The following CDH13 variants were observed in gnomAD, a reference collection of about 807,000 sequenced individuals.
CDH13 encodes cadherin-13.
Under a neutral mutation model 63.8 loss-of-function variants are expected in CDH13, and 24 were observed. That is an observed-to-expected ratio of 0.38 (90% confidence interval 0.27 to 0.53). The LOEUF (loss-of-function observed/expected upper bound fraction) is 0.53. Among genes scored for constraint, CDH13 ranks in the 20% least tolerant of loss-of-function variants. CDH13 has a pLI of 0.85. For synonymous variants in CDH13, 503 were observed against 355.3 expected (o/e 1.42, Z -4.67); for missense variants, 1,049 against 903.1 (o/e 1.16, Z -2.07).
intron 8 of CDH13, among the ~76,000 whole-genome samples, chr16:83,627,008 C>T (rs1474754994): frequency 1.3e-5 from 2 of 151,906 alleles, no homozygotes; most frequent in African/African-American, 2.4e-5. Context: ...TTCAGCCAGG[C>T]GTTGTGGCTC....
chr16:83,363,201 A>T (rs1323285560), intron 6 of CDH13, among the ~76,000 whole-genome samples: 1 of 152,130 alleles, frequency 6.6e-6, no homozygotes, highest in Non-Finnish European at 1.5e-5. Flanking sequence ...TCACAGGTTG[A>T]TTTTCCTCGT....
At chr16:83,658,175 A>C (rs1269522247) in intron 8 of CDH13, among the ~76,000 whole-genome samples, 13 of 103,638 alleles carry the variant, frequency 1.3e-4, no homozygotes, top group South Asian at 3.3e-4. Flanking sequence ...CCTCACCAGC[A>C]AGGTCCCATA....
At chr16:82,871,655 C>G (rs1597859816) in intron 2 of CDH13, among the ~76,000 whole-genome samples, 2 of 91,956 alleles carry the variant, frequency 2.2e-5, no homozygotes, top group Admixed American at 1.9e-4. Flanking sequence ...TCAACAGTAA[C>G]ACAACTCCAA....
chr16:83,654,469 G>C (rs1193466291), intron 8 of CDH13, among the ~76,000 whole-genome samples: 1 of 151,958 alleles, frequency 6.6e-6, no homozygotes, highest in Non-Finnish European at 1.5e-5. Context: ...GTGCAAGAAA[G>C]GACCCAACAA....
intron 6 of CDH13, among the ~76,000 whole-genome samples, chr16:83,347,492 G>A (rs1053363569): frequency 5.3e-5 from 8 of 152,212 alleles, no homozygotes; most frequent in South Asian, 2.1e-4. Context: ...CACCTGTCCC[G>A]CTGAATTCAT....
At chr16:83,342,691 G>C (rs185266483) in intron 5 of CDH13, among the ~76,000 whole-genome samples, 13 of 152,058 alleles carry the variant, frequency 8.5e-5, no homozygotes, top group Admixed American at 3.3e-4. Context: ...GCCCTTCCCA[G>C]TTTCAGCATA....
intron 2 of CDH13, among the ~76,000 whole-genome samples, chr16:82,915,355 A>G (rs1300419624): frequency 5.9e-5 from 9 of 152,168 alleles, no homozygotes; most frequent in African/African-American, 9.7e-5. Flanking sequence ...ACAGGCTTCT[A>G]TTTTTGAACT....
chr16:83,375,208 T>C (rs1434894686), intron 6 of CDH13, among the ~76,000 whole-genome samples: 1 of 152,218 alleles, frequency 6.6e-6, no homozygotes. Context: ...TTACTTGCGA[T>C]CTGTTTACAT....
At chr16:83,156,396 T>C (rs2037207882) in intron 4 of CDH13, among the ~76,000 whole-genome samples, 1 of 152,130 alleles carries the variant, frequency 6.6e-6, no homozygotes, top group African/African-American at 2.4e-5. Flanking sequence ...AAGAGTCTAA[T>C]CCTAGCATTG....
At chr16:83,502,789 A>G (rs2074311230) in intron 7 of CDH13, among the ~76,000 whole-genome samples, 2 of 152,232 alleles carry the variant, frequency 1.3e-5, no homozygotes, top group Non-Finnish European at 2.9e-5. Flanking sequence ...TACCAATAAT[A>G]AAATAATGGT....
intron 4 of CDH13, among the ~76,000 whole-genome samples, chr16:83,138,644 G>T (rs8056454): frequency 6.6e-6 from 1 of 152,150 alleles, no homozygotes; most frequent in Admixed American, 6.5e-5. Flanking sequence ...AAAAACTACT[G>T]TATGGAATTT....
At chr16:83,734,801 A>T (rs1465128202) in intron 10 of CDH13, among the ~76,000 whole-genome samples, 1 of 151,528 alleles carries the variant, frequency 6.6e-6, no homozygotes, top group Non-Finnish European at 1.5e-5. Context: ...GGTCAGTAGG[A>T]AGCAGGTGGT....
At chr16:83,750,057 G>A (rs904523017) in intron 11 of CDH13, among the ~76,000 whole-genome samples, 1 of 152,180 alleles carries the variant, frequency 6.6e-6, no homozygotes, top group Non-Finnish European at 1.5e-5. Flanking sequence ...CAGAACGTTG[G>A]GAGGCTGAGG....
chr16:83,239,199 C>A (rs559723666), intron 5 of CDH13, among the ~76,000 whole-genome samples: 1 of 151,986 alleles, frequency 6.6e-6, no homozygotes, highest in Non-Finnish European at 1.5e-5. Context: ...TATGAGAGAT[C>A]AACAGTAGTT....
intron 5 of CDH13, among the ~76,000 whole-genome samples, chr16:83,325,922 TC>T (rs2090349818): frequency 1.3e-5 from 2 of 152,178 alleles, no homozygotes; most frequent in South Asian, 4.1e-4. Flanking sequence ...CAATGTCCCT[TC>T]TTCTCATCCA....
intron 2 of CDH13, among the ~76,000 whole-genome samples, chr16:82,993,166 G>A (rs1466121459): frequency 2.0e-5 from 3 of 152,140 alleles, no homozygotes; most frequent in Admixed American, 2.0e-4. Flanking sequence ...CTCGATATCT[G>A]TTTCCTTCTG....
chr16:83,353,725 G>T (rs1465327951), intron 6 of CDH13, among the ~76,000 whole-genome samples: 1 of 152,206 alleles, frequency 6.6e-6, no homozygotes, highest in Non-Finnish European at 1.5e-5. Flanking sequence ...TCCTGGACTA[G>T]CCTATGTATC....
At chr16:83,417,833 T>C (rs553794615) in intron 6 of CDH13, among the ~76,000 whole-genome samples, 2 of 152,274 alleles carry the variant, frequency 1.3e-5, no homozygotes, top group South Asian at 4.1e-4. Context: ...AACTGGGATG[T>C]CAGTTTCCCT....
intron 13 of CDH13, among the ~76,000 whole-genome samples, chr16:83,783,886 C>T (rs773641608): frequency 4.6e-5 from 7 of 152,242 alleles, no homozygotes; most frequent in Non-Finnish European, 8.8e-5. Context: ...TGAGAATAGT[C>T]GTGAGAATTT....
Sources: allele counts gnomAD v4.1 joint callset (sites outside exome capture counted in the v4.1 genomes callset), GRCh38; gene constraint gnomAD v4.1.1; transcripts MANE v1.5; gene names NCBI Gene and HGNC (gene_info 2026-07-23, HGNC 2026-07-21).